CPA6: variants seen among roughly 807,000 people sequenced by gnomAD.
The protein encoded by CPA6 is carboxypeptidase B.
A neutral mutation model predicts 63.3 loss-of-function variants in CPA6; 58 were observed. The ratio of observed to expected loss-of-function variants is 0.92; its 90% CI spans 0.74 to 1.14. The LOEUF (loss-of-function observed/expected upper bound fraction) is 1.14, where lower values mean the gene tolerates loss of function less well. Ranked by LOEUF, CPA6 falls within the 50% of genes most tolerant of loss-of-function variation. The pLI is 0.00. For synonymous variants in CPA6, 185 were observed against 179.0 expected, an observed-to-expected ratio of 1.03 and a Z score of -0.27; for missense variants, 565 against 526.6, an observed-to-expected ratio of 1.07 and a Z score of -0.71.
At chr8:67,488,531 C>CTTGT (rs1811535821) in intron 6 of CPA6, among the ~76,000 whole-genome samples, 1 of 152,052 alleles carries the variant, frequency 6.6e-6, no homozygotes, top group African/African-American at 2.4e-5. Flanking sequence ...GTCTTGGCAA[C>CTTGT]GTGGGCTCTT....
At chr8:67,555,048 C>T (rs150195030) in intron 2 of CPA6, among the ~76,000 whole-genome samples, 111 of 152,328 alleles carry the variant, frequency 7.3e-4, no homozygotes, top group African/African-American at 2.5e-3. Flanking sequence ...ATAAACAATG[C>T]TATACCAGGT....
At chr8:67,590,370 A>T (rs1336838645) in intron 2 of CPA6, among the ~76,000 whole-genome samples, 1 of 151,574 alleles carries the variant, frequency 6.6e-6, no homozygotes, top group Non-Finnish European at 1.5e-5. Context: ...GTGTCTTTAT[A>T]GCAGCATGAT....
chr8:67,697,415 G>A (rs529700239), intron 1 of CPA6, among the ~76,000 whole-genome samples: 2 of 152,316 alleles, frequency 1.3e-5, no homozygotes, highest in African/African-American at 4.8e-5. Flanking sequence ...ATAGTCATAA[G>A]ACCTTAAGGA....
At chr8:67,445,011 G>A (rs1810380545) in intron 8 of CPA6, among the ~76,000 whole-genome samples, 2 of 152,134 alleles carry the variant, frequency 1.3e-5, no homozygotes, top group Admixed American at 1.3e-4. Flanking sequence ...TAATTTTATA[G>A]TAACAAAGTA....
chr8:67,432,403 C>T (rs1236669052), intron 9 of CPA6, among the ~76,000 whole-genome samples: 1 of 152,150 alleles, frequency 6.6e-6, no homozygotes, highest in East Asian at 1.9e-4. Context: ...CCCTGAGCCC[C>T]TTCCCCCATA....
At chr8:67,471,922 C>A (rs1811067811) in intron 8 of CPA6, among the ~76,000 whole-genome samples, 1 of 151,428 alleles carries the variant, frequency 6.6e-6, no homozygotes, top group African/African-American at 2.4e-5. Context: ...TAACAAGGAC[C>A]CAAAAAATCA....
At chr8:67,506,281 T>A (rs922257702) in intron 6 of CPA6, among the ~76,000 whole-genome samples, 3 of 152,112 alleles carry the variant, frequency 2.0e-5, no homozygotes, top group African/African-American at 7.2e-5. Context: ...AAACTAAGAA[T>A]GTTAAATCCA....
At chr8:67,502,957 T>G (rs566198620) in intron 6 of CPA6, among the ~76,000 whole-genome samples, 1 of 152,346 alleles carries the variant, frequency 6.6e-6, no homozygotes, top group South Asian at 2.1e-4. Flanking sequence ...CTGCTCTTGT[T>G]GGGTACAGTC....
intron 1 of CPA6, among the ~76,000 whole-genome samples, chr8:67,733,580 GTCATT>G (rs1159643742): frequency 1.3e-5 from 2 of 152,092 alleles, no homozygotes; most frequent in Non-Finnish European, 2.9e-5. Flanking sequence ...TTAATTTTCT[GTCATT>G]TCATTAGAAT....
At chr8:67,705,862 C>T (rs1002821631) in intron 1 of CPA6, among the ~76,000 whole-genome samples, 8 of 152,064 alleles carry the variant, frequency 5.3e-5, no homozygotes, top group South Asian at 2.1e-4. Flanking sequence ...AGGGCTCACA[C>T]GGCAACATGC....
chr8:67,435,628 ATGTGTG>A (rs754016707), intron 8 of CPA6, among the ~76,000 whole-genome samples: 3 of 149,238 alleles, frequency 2.0e-5, no homozygotes, highest in African/African-American at 7.4e-5. Context: ...GTGTGCGTGC[ATGTGTG>A]TGTGTGTGTG....
intron 10 of CPA6, among the ~76,000 whole-genome samples, chr8:67,425,964 T>C (rs1469578271): frequency 6.6e-6 from 1 of 151,720 alleles, no homozygotes; most frequent in Non-Finnish European, 1.5e-5. Flanking sequence ...TGGCACCATC[T>C]TGGCTCACTG....
At chr8:67,582,651 G>A (rs1413335483) in intron 2 of CPA6, among the ~76,000 whole-genome samples, 2 of 152,192 alleles carry the variant, frequency 1.3e-5, no homozygotes, top group Non-Finnish European at 2.9e-5. Context: ...GAAGATCGAT[G>A]AATGAATGAC....
At chr8:67,585,965 T>A (rs1217964937) in intron 2 of CPA6, among the ~76,000 whole-genome samples, 1 of 56,196 alleles carries the variant, frequency 1.8e-5, no homozygotes, top group Non-Finnish European at 3.1e-5. Flanking sequence ...ATGGGCTCAC[T>A]CATAGTTTGA....
chr8:67,499,604 C>T (rs1390285327), intron 6 of CPA6, among the ~76,000 whole-genome samples: 1 of 152,186 alleles, frequency 6.6e-6, no homozygotes, highest in Non-Finnish European at 1.5e-5. Context: ...CATCCTCACA[C>T]ACATTCCTCA....
intron 1 of CPA6, among the ~76,000 whole-genome samples, chr8:67,679,111 T>A (rs1252538333): frequency 2.6e-5 from 4 of 152,202 alleles, no homozygotes; most frequent in Non-Finnish European, 4.4e-5. Flanking sequence ...TAATGTTCTG[T>A]GGTTTGGTTA....
chr8:67,707,961 C>T (rs527910365), intron 1 of CPA6, among the ~76,000 whole-genome samples: 42 of 151,854 alleles, frequency 2.8e-4, no homozygotes, highest in African/African-American at 9.4e-4. Flanking sequence ...AATAAAAGAT[C>T]CTTGGGAAAA....
chr8:67,528,977 T>G (rs1812422464), intron 2 of CPA6, among the ~76,000 whole-genome samples: 2 of 151,118 alleles, frequency 1.3e-5, no homozygotes, highest in Non-Finnish European at 3.0e-5. Context: ...AGAAAGACTA[T>G]TCCCCTCTCT....
chr8:67,566,728 A>T (rs1458174287), intron 2 of CPA6, among the ~76,000 whole-genome samples: 1 of 152,194 alleles, frequency 6.6e-6, no homozygotes, highest in African/African-American at 2.4e-5. Context: ...TCAGTATGCC[A>T]GTTCACCCTC....
Sources: gnomAD v4.1 joint callset for allele counts (sites outside exome capture counted in the v4.1 genomes callset) on GRCh38, gnomAD v4.1.1 for gene constraint, MANE v1.5 for transcripts, NCBI Gene and HGNC (gene_info 2026-07-23, HGNC 2026-07-21) for gene names.